The following EPHA6 variants were observed in gnomAD, a reference collection of about 807,000 sequenced individuals.
The protein encoded by EPHA6 is ephrin type-A receptor 6.
Under a neutral mutation model 112.0 loss-of-function variants are expected in EPHA6, and 50 were observed. The ratio of observed to expected loss-of-function variants is 0.45; its 90% CI spans 0.36 to 0.56. The LOEUF (loss-of-function observed/expected upper bound fraction) is 0.56, where lower values mean the gene tolerates loss of function less well. Ranked by LOEUF, EPHA6 falls within the 20% of genes least tolerant of loss-of-function variation. The probability of loss-of-function intolerance (pLI) is 0.00; values close to 1 mark genes in which losing one functional copy is unlikely to be tolerated. For missense variants in EPHA6, 1,280 were observed against 1,417.4 expected (o/e 0.90, Z 1.56); for synonymous variants, 529 against 490.7 (o/e 1.08, Z -1.03).
intron 16 of EPHA6, among the ~76,000 whole-genome samples, chr3:97,743,480 C>T (rs1442670694): frequency 6.6e-6 from 1 of 152,074 alleles, no homozygotes; most frequent in African/African-American, 2.4e-5. Context: ...CTCATGTCTA[C>T]TAAAAGAATG....
At chr3:97,321,775 C>G (rs2082133288) in intron 5 of EPHA6, among the ~76,000 whole-genome samples, 1 of 151,918 alleles carries the variant, frequency 6.6e-6, no homozygotes, top group African/African-American at 2.4e-5. Context: ...GAAGAAGAGT[C>G]AACAAATTAT....
At chr3:96,818,492 A>G (rs1487223297) in intron 1 of EPHA6, among the ~76,000 whole-genome samples, 1 of 152,004 alleles carries the variant, frequency 6.6e-6, no homozygotes, top group South Asian at 2.1e-4. Context: ...AAGCAAAACA[A>G]TAGTGTGGCT....
chr3:97,352,816 G>C (rs1244298458), intron 5 of EPHA6, among the ~76,000 whole-genome samples: 1 of 152,084 alleles, frequency 6.6e-6, no homozygotes, highest in Admixed American at 6.5e-5. Context: ...GGCCAAGCGG[G>C]GAGTGTTTGC....
At chr3:97,045,582 A>G (rs1362370057) in intron 3 of EPHA6, among the ~76,000 whole-genome samples, 2 of 151,986 alleles carry the variant, frequency 1.3e-5, no homozygotes, top group Admixed American at 6.6e-5. Context: ...CTAGTTAAAT[A>G]CTCAAAAGAA....
chr3:97,548,104 G>A (rs1577733480), intron 11 of EPHA6, among the ~76,000 whole-genome samples: 1 of 152,214 alleles, frequency 6.6e-6, no homozygotes, highest in Non-Finnish European at 1.5e-5. Context: ...TCCCCAGTGA[G>A]ATGAACCCGG....
intron 4 of EPHA6, among the ~76,000 whole-genome samples, chr3:97,237,882 A>C (rs1269561432): frequency 6.6e-6 from 1 of 151,998 alleles, no homozygotes; most frequent in Non-Finnish European, 1.5e-5. Flanking sequence ...CAAAAAATCT[A>C]AGGCCAGGTC....
intron 2 of EPHA6, among the ~76,000 whole-genome samples, chr3:96,945,984 G>T (rs1159233420): frequency 6.6e-6 from 1 of 151,990 alleles, no homozygotes; most frequent in African/African-American, 2.4e-5. Flanking sequence ...TCCATGCTCT[G>T]CTTGTTCATC....
intron 10 of EPHA6, among the ~76,000 whole-genome samples, chr3:97,496,452 A>C (rs917205623): frequency 6.6e-6 from 1 of 152,202 alleles, no homozygotes; most frequent in Non-Finnish European, 1.5e-5. Context: ...AAAGAGATTA[A>C]GTTATTTGGT....
intron 14 of EPHA6, among the ~76,000 whole-genome samples, chr3:97,643,128 G>A (rs868728928): frequency 2.6e-5 from 4 of 152,064 alleles, no homozygotes; most frequent in East Asian, 1.9e-4. Context: ...GAGAGTGGGG[G>A]CCAATATTCA....
intron 10 of EPHA6, among the ~76,000 whole-genome samples, chr3:97,486,576 G>A (rs1203480101): frequency 1.3e-5 from 2 of 152,172 alleles, no homozygotes; most frequent in African/African-American, 2.4e-5. Flanking sequence ...TCACATGGGT[G>A]AGGGAGAGAA....
At chr3:96,900,122 T>G (rs1486158154) in intron 2 of EPHA6, among the ~76,000 whole-genome samples, 2 of 152,196 alleles carry the variant, frequency 1.3e-5, no homozygotes, top group Non-Finnish European at 1.5e-5. Context: ...AAGAGGACAC[T>G]TGAGCCTCCT....
At chr3:97,125,618 A>G (rs1193250655) in intron 3 of EPHA6, among the ~76,000 whole-genome samples, 3 of 152,208 alleles carry the variant, frequency 2.0e-5, no homozygotes, top group Non-Finnish European at 4.4e-5. Context: ...AATATAGAAT[A>G]TAGTTACCAG....
At chr3:97,235,932 T>C (rs2108565070) in intron 4 of EPHA6, among the ~76,000 whole-genome samples, 1 of 152,234 alleles carries the variant, frequency 6.6e-6, no homozygotes. Context: ...ATTGTGTTTC[T>C]TTTGCATTAA....
At chr3:97,740,459 A>G (rs2035453092) in intron 16 of EPHA6, among the ~76,000 whole-genome samples, 1 of 152,156 alleles carries the variant, frequency 6.6e-6, no homozygotes, top group Non-Finnish European at 1.5e-5. Flanking sequence ...TGCTTTGCCT[A>G]GGCCAAGACA....
intron 2 of EPHA6, among the ~76,000 whole-genome samples, chr3:96,956,600 A>G (rs1265157266): frequency 6.6e-6 from 1 of 152,206 alleles, no homozygotes; most frequent in Non-Finnish European, 1.5e-5. Flanking sequence ...CTGTCAAGCT[A>G]GGAGAGACAT....
At chr3:97,020,811 T>G (rs985394127) in intron 3 of EPHA6, among the ~76,000 whole-genome samples, 4 of 152,194 alleles carry the variant, frequency 2.6e-5, no homozygotes, top group Non-Finnish European at 4.4e-5. Flanking sequence ...CTTAAGAGTC[T>G]GTTCTTAACC....
At chr3:97,548,753 A>G (rs545837643) in intron 11 of EPHA6, among the ~76,000 whole-genome samples, 2 of 152,370 alleles carry the variant, frequency 1.3e-5, no homozygotes, top group African/African-American at 4.8e-5. Context: ...TTTTGTATCC[A>G]GTGGTTGAAG....
intron 3 of EPHA6, among the ~76,000 whole-genome samples, chr3:97,041,969 A>G (rs1020720727): frequency 3.3e-5 from 5 of 152,030 alleles, no homozygotes; most frequent in African/African-American, 1.2e-4. Context: ...AATCCAAACC[A>G]TGTCAGTACC....
intron 6 of EPHA6, chr3:97,439,791 C>T (rs2107270628): frequency 5.4e-6 from 1 of 183,616 alleles, no homozygotes; most frequent in East Asian, 1.8e-4. Context: ...CCAGCCCCAT[C>T]TTACATTACT....
Sources: gnomAD v4.1 joint callset for allele counts (sites outside exome capture counted in the v4.1 genomes callset) on GRCh38, gnomAD v4.1.1 for gene constraint, MANE v1.5 for transcripts, NCBI Gene and HGNC (gene_info 2026-07-23, HGNC 2026-07-21) for gene names.